The following IL1RAPL1 variants were observed in gnomAD, a reference collection of about 807,000 sequenced individuals.
The protein encoded by IL1RAPL1 is interleukin-1 receptor accessory protein-like 1.
A neutral mutation model predicts 48.4 loss-of-function variants in IL1RAPL1; 3 were observed. The observed-to-expected ratio is 0.06, with a 90% confidence interval of 0.03 to 0.16. IL1RAPL1 has a LOEUF of 0.16. Among genes scored for constraint, IL1RAPL1 ranks in the 10% least tolerant of loss-of-function variants. The pLI, the probability that IL1RAPL1 is intolerant of heterozygous loss-of-function variation, is 1.00. For synonymous variants in IL1RAPL1, 185 were observed against 187.7 expected (o/e 0.99, Z 0.12); for missense variants, 349 against 530.6 (o/e 0.66, Z 3.36).
intron 6 of IL1RAPL1, among the ~76,000 whole-genome samples, chrX:29,716,139 A>G (rs776498699): frequency 1.6e-4 from 18 of 111,157 alleles, no homozygotes; most frequent in Non-Finnish European, 3.2e-4. Flanking sequence ...GTGCAAATGG[A>G]GAGGCTGGGT....
chrX:29,547,300 T>C (rs998776732), intron 5 of IL1RAPL1, among the ~76,000 whole-genome samples: 1 of 111,520 alleles, frequency 9.0e-6, no homozygotes. Flanking sequence ...ACTGCATTAC[T>C]CATTGTTATT....
At chrX:29,334,001 G>A (rs865821059) in intron 3 of IL1RAPL1, among the ~76,000 whole-genome samples, 3 of 76,819 alleles carry the variant, frequency 3.9e-5, no homozygotes, top group African/African-American at 1.0e-4. Flanking sequence ...CCTCCCGGAC[G>A]GGGCGGCTGG....
intron 2 of IL1RAPL1, among the ~76,000 whole-genome samples, chrX:28,891,393 G>A (rs1384471769): frequency 8.9e-6 from 1 of 111,934 alleles, no homozygotes; most frequent in Non-Finnish European, 1.9e-5. Flanking sequence ...TAACCATAGA[G>A]TTGCATAAGC....
At chrX:29,136,327 A>G (rs1338188978) in intron 2 of IL1RAPL1, among the ~76,000 whole-genome samples, 1 of 109,599 alleles carries the variant, frequency 9.1e-6, no homozygotes, top group African/African-American at 3.3e-5. Context: ...GGGTTTCTTC[A>G]TGTTGGTCAG....
intron 6 of IL1RAPL1, among the ~76,000 whole-genome samples, chrX:29,837,177 C>T (rs772275724): frequency 8.8e-5 from 9 of 102,623 alleles, no homozygotes; most frequent in Admixed American, 5.4e-4. Flanking sequence ...GTGGAAGAAT[C>T]GCGTGAACCC....
intron 2 of IL1RAPL1, among the ~76,000 whole-genome samples, chrX:29,188,875 G>A (rs1272437085): frequency 1.8e-5 from 2 of 111,131 alleles, no homozygotes; most frequent in African/African-American, 6.5e-5. Context: ...GAGCCACCAC[G>A]CCCGCCCACT....
chrX:29,188,585 C>T (rs1388595247), intron 2 of IL1RAPL1, among the ~76,000 whole-genome samples: 1 of 79,157 alleles, frequency 1.3e-5, no homozygotes, highest in African/African-American at 4.8e-5. Context: ...AAAACATACA[C>T]TTTTTTTTTT....
Position 28,741,567 on chromosome X carries a change from A to G in IL1RAPL1, c.-24-47753A>G, listed in dbSNP as rs149079494. Among the ~76,000 whole-genome samples the G allele has an allele frequency of 9.9e-3, 1,113 of 112,036 alleles. 13 individuals are homozygous for G. Among genetic ancestry groups the G allele is most frequent in the African/African-American group, 0.034 (1,060 of 30,867 alleles). On this transcript the variant is annotated intron_variant, in intron 1 of 10. Transcript: ENST00000378993. ...CACAAACCTTGAAGTACGTGCAAAT[A>G]TTTTAGATGGACAAACAGACTATAT...
chrX:29,599,921 T>G (rs1465417144), intron 5 of IL1RAPL1, among the ~76,000 whole-genome samples: 3 of 111,961 alleles, frequency 2.7e-5, no homozygotes, highest in Non-Finnish European at 5.6e-5. Context: ...TCCTTTTATA[T>G]CCTGTATGAT....
chrX:29,950,773 T>C (rs1301967093), intron 9 of IL1RAPL1, among the ~76,000 whole-genome samples: 2 of 107,050 alleles, frequency 1.9e-5, no homozygotes, highest in African/African-American at 6.9e-5. Flanking sequence ...GCCTCCCGGG[T>C]TCACGCCATT....
At chrX:29,524,521 CAT>C (rs1935534167) in intron 5 of IL1RAPL1, among the ~76,000 whole-genome samples, 1 of 110,699 alleles carries the variant, frequency 9.0e-6, no homozygotes, top group South Asian at 3.7e-4. Flanking sequence ...TGGTAAATTT[CAT>C]ATTCTTTGAC....
intron 2 of IL1RAPL1, among the ~76,000 whole-genome samples, chrX:28,884,725 T>C: frequency 8.9e-6 from 1 of 112,137 alleles, no homozygotes; most frequent in East Asian, 2.8e-4. Context: ...TTTGTATGAC[T>C]GATCAGATAA....
chrX:29,065,319 T>C (rs1927431263), intron 2 of IL1RAPL1, among the ~76,000 whole-genome samples: 1 of 111,804 alleles, frequency 8.9e-6, no homozygotes, highest in Non-Finnish European at 1.9e-5. Flanking sequence ...TGATTTTGTT[T>C]CTTTCAGTAC....
chrX:29,303,846 A>C (rs2147613345), intron 3 of IL1RAPL1, among the ~76,000 whole-genome samples: 1 of 112,396 alleles, frequency 8.9e-6, no homozygotes, highest in South Asian at 3.7e-4. Context: ...TCTGTACTTC[A>C]TACTTAATGG....
At chrX:28,793,632 A>T (rs947777614) in intron 2 of IL1RAPL1, among the ~76,000 whole-genome samples, 1 of 111,502 alleles carries the variant, frequency 9.0e-6, no homozygotes, top group African/African-American at 3.3e-5. Context: ...GGTGTATAAG[A>T]AAATCTGCAG....
At chrX:29,786,991 G>A (rs1056265907) in intron 6 of IL1RAPL1, among the ~76,000 whole-genome samples, 7 of 111,674 alleles carry the variant, frequency 6.3e-5, no homozygotes, top group Non-Finnish European at 1.1e-4. Flanking sequence ...GAACAGCAGT[G>A]ATAGTGATGT....
chrX:28,626,212 G>A (rs1601838891), intron 1 of IL1RAPL1, among the ~76,000 whole-genome samples: 1 of 112,267 alleles, frequency 8.9e-6, no homozygotes, highest in Admixed American at 9.4e-5. Context: ...CTCCTAGGAG[G>A]CAGCAAGCTC....
chrX:29,883,846 A>G (rs997584896), intron 6 of IL1RAPL1, among the ~76,000 whole-genome samples: 2 of 112,509 alleles, frequency 1.8e-5, no homozygotes, highest in African/African-American at 3.2e-5. Flanking sequence ...TTGACGTGAG[A>G]TTGAATTAAG....
intron 9 of IL1RAPL1, among the ~76,000 whole-genome samples, chrX:29,944,932 A>C (rs1204577592): frequency 9.1e-6 from 1 of 109,525 alleles, no homozygotes; most frequent in Non-Finnish European, 1.9e-5. Flanking sequence ...ACTCGGCTAC[A>C]CGCATACCCA....
Sources: gnomAD v4.1 joint callset for allele counts (sites outside exome capture counted in the v4.1 genomes callset) on GRCh38, gnomAD v4.1.1 for gene constraint, MANE v1.5 for transcripts, NCBI Gene and HGNC (gene_info 2026-07-23, HGNC 2026-07-21) for gene names.